The following PHLPP1 variants were observed in gnomAD, a reference collection of about 807,000 sequenced individuals.
PHLPP1 encodes PH domain and leucine rich repeat protein phosphatase 1, also known as PH domain leucine-rich repeat-containing protein phosphatase 1.
A neutral mutation model predicts 117.2 loss-of-function variants in PHLPP1; 42 were observed. The observed-to-expected ratio is 0.36, with a 90% CI of 0.28 to 0.46. The LOEUF (loss-of-function observed/expected upper bound fraction) is 0.46, where lower values mean the gene tolerates loss of function less well. Ranked by LOEUF, PHLPP1 falls within the 20% of genes least tolerant of loss-of-function variation. The probability of loss-of-function intolerance (pLI) is 1.00; values close to 1 mark genes in which losing one functional copy is unlikely to be tolerated. For synonymous variants in PHLPP1, 1,042 were observed against 970.7 expected (o/e 1.07, Z -1.37); for missense variants, 2,084 against 2,241.9 (o/e 0.93, Z 1.42).
intron 3 of PHLPP1, among the ~76,000 whole-genome samples, chr18:62,841,940 A>C (rs1380976509): frequency 1.3e-5 from 2 of 152,214 alleles, no homozygotes; most frequent in African/African-American, 4.8e-5. Context: ...GTTTCAAAGT[A>C]AGGCAGGCAT....
At chr18:62,932,935 A>G (rs1191527682) in intron 10 of PHLPP1, among the ~76,000 whole-genome samples, 3 of 152,182 alleles carry the variant, frequency 2.0e-5, no homozygotes, top group Non-Finnish European at 4.4e-5. Flanking sequence ...CAGAATCAGC[A>G]CCCGAAATCA....
intron 10 of PHLPP1, among the ~76,000 whole-genome samples, chr18:62,936,648 ACAACCT>A (rs1034764116): frequency 4.5e-4 from 68 of 152,358 alleles, no homozygotes; most frequent in African/African-American, 1.6e-3. Flanking sequence ...TGAGAAGGGC[ACAACCT>A]CTGCGATATT....
At chr18:62,752,627 C>T (rs1197177300) in intron 1 of PHLPP1, among the ~76,000 whole-genome samples, 1 of 152,120 alleles carries the variant, frequency 6.6e-6, no homozygotes, top group Non-Finnish European at 1.5e-5. Context: ...TTTGAATTGC[C>T]AGGATGTTCT....
rs1272094246 is a variant in PHLPP1, at chr18:62,975,548, C to T, written c.3907C>T (p.Pro1303Ser). 3.7e-6 allele frequency: 6 copies of T among 1,613,932 alleles called. No individual in the cohort carries two copies. Among genetic ancestry groups the T allele is most frequent in the Non-Finnish European group, 4.2e-6 (5 of 1,179,822 alleles). ...TVLCRNGKPLPLSRSYIMSCE... is the reference protein window; with the variant it reads ...TVLCRNGKPLSLSRSYIMSCE... ...TCTCTGTCGAAATGGAAAGCCGCTG[C>T]CTCTGTCCAGATCTTACATCATGAG... Residue 1303 changes from proline to serine, a missense_variant, in exon 16 of 17, where the codon CCT becomes TCT. Physicochemically the swap from Pro to Ser is moderately conservative, Grantham distance 74. Coordinates refer to ENST00000262719, the MANE Select transcript of PHLPP1 (RefSeq NM_194449.4).
intron 4 of PHLPP1, among the ~76,000 whole-genome samples, chr18:62,877,324 A>G (rs1419655186): frequency 2.0e-5 from 3 of 152,350 alleles, no homozygotes; most frequent in South Asian, 4.1e-4. Context: ...GTGATAATTC[A>G]TTAGCATAGT....
intron 3 of PHLPP1, among the ~76,000 whole-genome samples, chr18:62,855,149 A>G (rs190368761): frequency 7.2e-5 from 11 of 152,376 alleles, no homozygotes; most frequent in South Asian, 2.1e-4. Context: ...AAGAGTGCCT[A>G]TCACAAAGAA....
chr18:62,731,884 A>G (rs1458249322), intron 1 of PHLPP1, among the ~76,000 whole-genome samples: 1 of 152,242 alleles, frequency 6.6e-6, no homozygotes, highest in Admixed American at 6.5e-5. Flanking sequence ...ACCCTAATCC[A>G]GAGCAAGGTC....
At chr18:62,931,715 A>G (rs1382703552) in intron 10 of PHLPP1, among the ~76,000 whole-genome samples, 1 of 151,870 alleles carries the variant, frequency 6.6e-6, no homozygotes, top group Non-Finnish European at 1.5e-5. Context: ...CAATATGGTG[A>G]AACCCCATCT....
intron 3 of PHLPP1, among the ~76,000 whole-genome samples, chr18:62,859,487 A>G (rs751287163): frequency 5.3e-5 from 8 of 152,242 alleles, no homozygotes; most frequent in South Asian, 4.1e-4. Context: ...GCAAAGCACA[A>G]TGAATTTGTA....
At chr18:62,851,026 CCTCAAGAGGCTAAGCTTTTGGAGA>C (rs1599082367) in intron 3 of PHLPP1, among the ~76,000 whole-genome samples, 2 of 152,176 alleles carry the variant, frequency 1.3e-5, no homozygotes, top group East Asian at 3.8e-4. Flanking sequence ...ATGTGTGTGT[CCTCAAGAGGCTAAGCTTTTGGAGA>C]CAAAGACTGC....
At chr18:62,739,974 T>G (rs1667753564) in intron 1 of PHLPP1, among the ~76,000 whole-genome samples, 1 of 152,192 alleles carries the variant, frequency 6.6e-6, no homozygotes, top group South Asian at 2.1e-4. Flanking sequence ...TGATCCTTCC[T>G]TGGGCCATCC....
intron 1 of PHLPP1, among the ~76,000 whole-genome samples, chr18:62,735,054 C>CT (rs943622960): frequency 3.0e-5 from 4 of 134,676 alleles, no homozygotes; most frequent in African/African-American, 5.7e-5. Flanking sequence ...TTTTTTTTTT[C>CT]TTTTTTTTGA....
chr18:62,865,941 A>G (rs1915760221), intron 4 of PHLPP1, among the ~76,000 whole-genome samples: 1 of 152,214 alleles, frequency 6.6e-6, no homozygotes, highest in Non-Finnish European at 1.5e-5. Context: ...TACTAGGCGT[A>G]GTACCTGGGT....
intron 6 of PHLPP1, among the ~76,000 whole-genome samples, chr18:62,900,467 AG>A (rs1352388627): frequency 1.3e-5 from 1 of 76,390 alleles, no homozygotes; most frequent in Non-Finnish European, 2.3e-5. Context: ...TTTTTGAGAC[AG>A]GGTCTCACTT....
chr18:62,979,145 C>A lies in PHLPP1; in HGVS notation c.4868C>A (p.Ala1623Asp). Reference protein sequence around the residue: ...SAVGTIGRRRANGSVAPQERS... With the variant: ...SAVGTIGRRRDNGSVAPQERS... ...GTTGGGACCATTGGGCGCCGGAGGGCCAATGGCTCTGTTGCGCCCCAGGAA... is the reference window on the plus strand; with the variant it reads ...GTTGGGACCATTGGGCGCCGGAGGGACAATGGCTCTGTTGCGCCCCAGGAA... Residue 1623 changes from alanine (A) to aspartate (D), a missense_variant, in exon 17 of 17, where the codon GCC becomes GAC. By Grantham distance (126) the Ala-to-Asp change is moderately radical. Around this residue, in one of 2 missense-constraint regions of PHLPP1, gnomAD observed 1,365 missense variants for 1,605.9 expected, o/e 0.85. Coordinates refer to ENST00000262719, the MANE Select transcript of PHLPP1 (RefSeq NM_194449.4). 1.2e-6 allele frequency: 2 copies of A among 1,613,934 alleles called. No homozygotes were observed. The highest frequency in any genetic ancestry group is 1.7e-6 in the Non-Finnish European group (2 of 1,179,866).
intron 8 of PHLPP1, among the ~76,000 whole-genome samples, chr18:62,906,665 A>G (rs2144410993): frequency 5.3e-5 from 1 of 19,042 alleles, no homozygotes. Flanking sequence ...ACGCCCACGG[A>G]ATCTCGCTGA....
At chr18:62,824,614 G>C (rs1470823513) in intron 1 of PHLPP1, among the ~76,000 whole-genome samples, 1 of 152,070 alleles carries the variant, frequency 6.6e-6, no homozygotes, top group Admixed American at 6.5e-5. Context: ...GTAGTTTACT[G>C]TATGTCTTTT....
chr18:62,762,248 G>C (rs1271297318), intron 1 of PHLPP1, among the ~76,000 whole-genome samples: 1 of 150,950 alleles, frequency 6.6e-6, no homozygotes, highest in Non-Finnish European at 1.5e-5. Flanking sequence ...GTCCTAAAGA[G>C]GGAATTGATT....
At chr18:62,813,439 G>A (rs1419792711) in intron 1 of PHLPP1, among the ~76,000 whole-genome samples, 1 of 152,174 alleles carries the variant, frequency 6.6e-6, no homozygotes, top group African/African-American at 2.4e-5. Context: ...AGGAAGGAAG[G>A]AAGAAAGAGG....
Sources: gnomAD v4.1 joint callset for allele counts (sites outside exome capture counted in the v4.1 genomes callset) on GRCh38, gnomAD v4.1.1 for gene constraint, gnomAD v4.1.1 regional missense constraint, MANE v1.5 for transcripts, NCBI Gene and HGNC (gene_info 2026-07-23, HGNC 2026-07-21) for gene names.